Variants in CEP83 observed in about 807,000 individuals in gnomAD.
CEP83 encodes the protein centrosomal protein of 83 kDa.
In CEP83, 70 loss-of-function variants were observed where a neutral mutation model predicts 101.9. That is an observed-to-expected ratio of 0.69 (90% CI 0.57 to 0.84). CEP83 has a LOEUF of 0.84. Ranked by LOEUF, CEP83 falls within the 40% of genes least tolerant of loss-of-function variation. CEP83 has a pLI of 0.00. For synonymous variants in CEP83, 264 were observed against 267.9 expected (o/e 0.99, Z 0.14); for missense variants, 715 against 787.2 (o/e 0.91, Z 1.10).
intron 2 of CEP83, among the ~76,000 whole-genome samples, chr12:94,422,787 T>C (rs2064862693): frequency 6.6e-6 from 1 of 152,278 alleles, no homozygotes; most frequent in South Asian, 2.1e-4. Context: ...CTCAGTAGTC[T>C]GTTCCTTTTT....
intron 7 of CEP83, among the ~76,000 whole-genome samples, 140 bp downstream of exon 7, chr12:94,378,637 TCTTCTTTACTAAAA>T (rs2061674330): frequency 1.3e-5 from 2 of 152,220 alleles, no homozygotes; most frequent in Non-Finnish European, 2.9e-5. Flanking sequence ...TCAATAGCTT[TCTTCTTTACTAAAA>T]GAATAAATAC....
chr12:94,416,575 A>ACACAC (rs1566141713), intron 2 of CEP83, among the ~76,000 whole-genome samples: 21 of 134,364 alleles, frequency 1.6e-4, no homozygotes, highest in African/African-American at 2.9e-4. Context: ...CACACACACA[A>ACACAC]AAAAAAAAAA....
intron 14 of CEP83, among the ~76,000 whole-genome samples, chr12:94,322,925 C>G (rs2058809027): frequency 6.6e-6 from 1 of 152,212 alleles, no homozygotes; most frequent in Admixed American, 6.5e-5. Flanking sequence ...GGTCCCCCAC[C>G]CATTGAAAAG....
intron 1 of CEP83, among the ~76,000 whole-genome samples, chr12:94,450,979 G>A (rs2067208299): frequency 6.6e-6 from 1 of 152,170 alleles, no homozygotes; most frequent in Non-Finnish European, 1.5e-5. Flanking sequence ...TAGTGTTGGA[G>A]TAAGGATAGG....
chr12:94,275,676 A>G, the CEP83 span, among the ~76,000 whole-genome samples: 1 of 101,522 alleles, frequency 9.9e-6, no homozygotes, highest in Non-Finnish European at 2.0e-5. Context: ...AAACGGTGAA[A>G]CCCCGTCTCT....
intron 6 of CEP83, among the ~76,000 whole-genome samples, chr12:94,381,842 G>A (rs2061868399): frequency 6.6e-6 from 1 of 151,984 alleles, no homozygotes; most frequent in African/African-American, 2.4e-5. Context: ...GGTTCACAAG[G>A]AATTATTATA....
At chr12:94,312,888 G>T in intron 15 of CEP83, 26 bp downstream of exon 15, 1 of 1,305,560 alleles carries the variant, frequency 7.7e-7, no homozygotes, top group South Asian at 1.3e-5. Flanking sequence ...AACCACATGG[G>T]GAAGATACAC....
intron 7 of CEP83, 120 bp from the exon 8 acceptor site, chr12:94,376,137 T>A: frequency 1.8e-6 from 1 of 564,236 alleles, no homozygotes; most frequent in Non-Finnish European, 2.7e-6. Flanking sequence ...CAACTTAACA[T>A]ATACCAATGT....
At position 94,390,411 on chromosome 12, in the gene CEP83, C is replaced by A. The variant is rs1013778668; in HGVS notation, c.549+10439G>T. ...GACTGTTAGGAGGAAAACTAACAAA[C>A]AGAAAGAAATAGCAGCAGGATCAAC... On this transcript the variant is annotated intron_variant, in intron 6 of 16. Transcript: ENST00000397809. 1.4e-4 allele frequency among the ~76,000 whole-genome samples: 22 copies of A among 152,128 alleles called. 1 individual carries two copies. Among genetic ancestry groups the A allele is most frequent in the Admixed American group, 1.3e-3 (20 of 15,282 alleles).
intron 11 of CEP83, among the ~76,000 whole-genome samples, chr12:94,346,184 G>A (rs2059924904): frequency 6.6e-6 from 1 of 151,938 alleles, no homozygotes; most frequent in Non-Finnish European, 1.5e-5. Context: ...CGAGTAGCTG[G>A]GATTACAGGC....
At chr12:94,368,482 G>A (rs1415473108) in intron 9 of CEP83, 1 of 257,870 alleles carries the variant, frequency 3.9e-6, no homozygotes, top group Non-Finnish European at 7.3e-6. Flanking sequence ...AACATTGAGA[G>A]TTGAGATCAA....
chr12:94,415,172 T>C (rs1015676786), intron 2 of CEP83, among the ~76,000 whole-genome samples: 2 of 151,938 alleles, frequency 1.3e-5, no homozygotes, highest in African/African-American at 2.4e-5. Flanking sequence ...CAAAAAACTA[T>C]GAGAATGTAT....
intron 1 of CEP83, among the ~76,000 whole-genome samples, chr12:94,437,069 G>A (rs1594057913): frequency 6.6e-6 from 1 of 152,002 alleles, no homozygotes; most frequent in African/African-American, 2.4e-5. Context: ...GCTTGGCCAG[G>A]CGTGGTGGCT....
intron 15 of CEP83, 144 bp downstream of exon 15, chr12:94,312,770 G>C (rs921075892): frequency 8.0e-7 from 1 of 1,257,730 alleles, no homozygotes; most frequent in Non-Finnish European, 1.0e-6. Flanking sequence ...GTAAAAAAAG[G>C]ATAGTACATT....
At chr12:94,403,148 G>C (rs768120254) in intron 5 of CEP83, 22 bp downstream of exon 5, 4 of 1,204,042 alleles carry the variant, frequency 3.3e-6, no homozygotes, top group Non-Finnish European at 4.9e-6. Flanking sequence ...TAAATGCATA[G>C]TAAACAACAT....
At chr12:94,274,155 TAAAAAAAAAAAAAAAAAAAA>T in the CEP83 span, among the ~76,000 whole-genome samples, 1 of 45,376 alleles carries the variant, frequency 2.2e-5, no homozygotes, top group East Asian at 1.1e-3. Flanking sequence ...ACCCTGTCTC[TAAAAAAAAAAAAAAAAAAAA>T]AAAAAAAAAA....
intron 1 of CEP83, among the ~76,000 whole-genome samples, chr12:94,443,019 CA>C (rs1190057590): frequency 6.6e-6 from 1 of 152,180 alleles, no homozygotes. Context: ...CAAATATCAC[CA>C]AAACAATCTT....
intron 11 of CEP83, among the ~76,000 whole-genome samples, chr12:94,343,293 T>G (rs922571202): frequency 9.2e-5 from 14 of 152,018 alleles, no homozygotes; most frequent in African/African-American, 3.4e-4. Context: ...CTCCTGCAAG[T>G]GCAGGGTCAG....
At chr12:94,288,703 G>A in the CEP83 span, among the ~76,000 whole-genome samples, 1 of 152,202 alleles carries the variant, frequency 6.6e-6, no homozygotes, top group Non-Finnish European at 1.5e-5. Context: ...ACAAGATTTT[G>A]TTTTCATCAG....
Sources: gnomAD v4.1 joint callset for allele counts (sites outside exome capture counted in the v4.1 genomes callset) on GRCh38, gnomAD v4.1.1 for gene constraint, MANE v1.5 for transcripts, NCBI Gene and HGNC (gene_info 2026-07-23, HGNC 2026-07-21) for gene names.